Variants in SLC6A14 observed in about 807,000 individuals in gnomAD.
The protein encoded by SLC6A14 is sodium- and chloride-dependent neutral and basic amino acid transporter B(0+).
A neutral mutation model predicts 51.4 loss-of-function variants in SLC6A14; 21 were observed. The ratio of observed to expected loss-of-function variants is 0.41; its 90% CI spans 0.29 to 0.59. The LOEUF (loss-of-function observed/expected upper bound fraction) is 0.59, where lower values mean the gene tolerates loss of function less well. Among genes scored for constraint, SLC6A14 ranks in the 20% least tolerant of loss-of-function variants. The probability of loss-of-function intolerance (pLI) is 0.31; values close to 1 mark genes in which losing one functional copy is unlikely to be tolerated. For synonymous variants in SLC6A14, 177 were observed against 160.7 expected, an observed-to-expected ratio of 1.10 and a Z score of -0.77; for missense variants, 371 against 472.8, an observed-to-expected ratio of 0.78 and a Z score of 2.00.
chrX:116,451,241 G>T (rs1556694378), intron 7 of SLC6A14, among the ~76,000 whole-genome samples: 2 of 111,200 alleles, frequency 1.8e-5, no homozygotes, highest in Non-Finnish European at 3.8e-5. Context: ...TGCCACTGGT[G>T]GGTAGAAGGG....
rs781971603 is a variant in SLC6A14 at position 116,460,246 on chromosome X, G to A, written c.*1291G>A. ...TCCGTAGGTTTATCAGAATATCAAG[G>A]AAAACTGTGACCCAAAGAAGTTTAA... On this transcript the variant is annotated 3_prime_UTR_variant, in exon 14 of 14. Transcript: ENST00000598581. 1 of 111,616 alleles carries A rather than the reference G, an allele frequency of 9.0e-6. No individual in the cohort carries two copies. Among genetic ancestry groups the A allele is most frequent in the Admixed American group, 9.5e-5 (1 of 10,531 alleles). The allele number at this position is 111,616 out of a possible 1,213,427, so 9.2% of individuals were successfully genotyped here. A position where few individuals can be genotyped will look rare whatever the true frequency, so the allele number is the denominator to read the frequency against.
In SLC6A14 at chrX:116,455,498, G is replaced by A. The variant is rs368759699; in HGVS notation, c.1614+32G>A. On this transcript the variant is annotated intron_variant, in intron 12 of 13. Coordinates refer to ENST00000598581, the MANE Select transcript of SLC6A14 (RefSeq NM_007231.5). ...AATAATACACCATGAACTTGATTTC[G>A]ATAATACATATGTTCTAAGATAAAC... The A allele has an allele frequency of 1.0e-5, 9 of 879,998 alleles. No homozygotes were observed. In the African/African-American group the frequency reaches 1.8e-4, roughly 17 times the overall value. 72.5% of individuals were successfully genotyped at this position (879,998 alleles called of 1,213,427 possible). A position where few individuals can be genotyped will look rare whatever the true frequency, so the allele number is the denominator to read the frequency against.
intron 2 of SLC6A14, among the ~76,000 whole-genome samples, chrX:116,439,056 A>G (rs72605228): frequency 1.8e-5 from 2 of 110,935 alleles, no homozygotes; most frequent in East Asian, 5.7e-4. Context: ...TCTCTGTCCT[A>G]AGGTCCAGTG....
chrX:116,442,953 A>G, intron 4 of SLC6A14, 105 bp downstream of exon 4: 1 of 529,406 alleles, frequency 1.9e-6, no homozygotes, highest in Non-Finnish European at 3.0e-6. Context: ...AAATGTTCCA[A>G]AGGTCACTGG....
chrX:116,458,947 C>A lies in SLC6A14; in HGVS notation c.1921C>A (p.Pro641Thr). The A allele has an allele frequency of 1.7e-6, 2 of 1,194,217 alleles. No homozygotes were observed. The highest frequency in any genetic ancestry group is 2.3e-6 in the Non-Finnish European group (2 of 886,877). The change falls in exon 14 of 14, where the codon CCG (proline) becomes ACG (threonine). Residue 641 changes from proline (P) to threonine (T), a missense_variant. By Grantham distance (38) the Pro-to-Thr change is conservative. Coordinates refer to ENST00000598581, the MANE Select transcript of SLC6A14 (RefSeq NM_007231.5). ...ACCTACTGTTAGTGGCAGCAGAAAA[C>A]CGGAATGAGATCTCATTGAAAAAAA... is the stretch of plus-strand genomic sequence containing the variant. ...EIPTVSGSRK[P>T]E
At position 116,442,789 on chromosome X, in the gene SLC6A14, A is replaced by C. The variant is rs1452549772; in HGVS notation, c.449A>C (p.Glu150Ala). 1 of 1,192,569 alleles carries C rather than the reference A, an allele frequency of 8.4e-7. No individual in the cohort carries two copies. The highest frequency in any genetic ancestry group is 1.8e-5 in the African/African-American group (1 of 55,860). ...TACATGTTTGCTTCTTTTCAAAGTG[A>C]ACTACCATGGAAAAATTGTTCTTCG... is the stretch of plus-strand genomic sequence containing the variant. ...LYYMFASFQS[E>A]LPWKNCSSWS... Residue 150 changes from glutamate to alanine, a missense_variant, in exon 4 of 14, where the codon GAA becomes GCA. Coordinates refer to ENST00000598581, the MANE Select transcript of SLC6A14 (RefSeq NM_007231.5).
At chrX:116,445,505 A>AGAGAGAGAGAGAGAGAG (rs1556693962) in intron 6 of SLC6A14, among the ~76,000 whole-genome samples, 2 of 86,107 alleles carry the variant, frequency 2.3e-5, no homozygotes, top group African/African-American at 8.9e-5. Flanking sequence ...AGAGAGAGAG[A>AGAGAGAGAGAGAGAGAG]AATGTGTGTG....
Position 116,440,960 on chromosome X carries a change from T to C in SLC6A14, c.215-6T>C. Reference sequence around the variant, plus strand: ...TAGTGCTTTGGTTCTTTCTCACCTTTTTTAGGCGCCTTCTTGATACCTTAT... The same window carrying C: ...TAGTGCTTTGGTTCTTTCTCACCTTCTTTAGGCGCCTTCTTGATACCTTAT... On this transcript the variant is annotated splice_region_variant and splice_polypyrimidine_tract_variant and intron_variant, in intron 2 of 13. Transcript: ENST00000598581. The C allele has an allele frequency of 1.7e-6, 2 of 1,208,855 alleles. No individual in the cohort carries two copies. Among genetic ancestry groups the C allele is most frequent in the Non-Finnish European group, 2.2e-6 (2 of 894,190 alleles).
Position 116,459,262 on chromosome X carries a change from T to C in SLC6A14, c.*307T>C, listed in dbSNP as rs940100954. 1.3e-5 allele frequency: 2 copies of C among 157,570 alleles called. No individual in the cohort carries two copies. Among genetic ancestry groups the C allele is most frequent in the African/African-American group, 6.1e-5 (2 of 32,732 alleles). 13.0% of individuals were successfully genotyped at this position (157,570 alleles called of 1,213,427 possible). A position where few individuals can be genotyped will look rare whatever the true frequency, so the allele number is the denominator to read the frequency against. ...CATTTTTAATACATTGGAGGCTTTA[T>C]TTTGAACTAATTTCTTAGAGAATAG... On this transcript the variant is annotated 3_prime_UTR_variant, in exon 14 of 14. Coordinates refer to ENST00000598581, the MANE Select transcript of SLC6A14 (RefSeq NM_007231.5).
At chrX:116,441,262 T>C (rs5905285) in intron 3 of SLC6A14, among the ~76,000 whole-genome samples, 165 bp downstream of exon 3, 22,002 of 111,822 alleles carry the variant, frequency 0.2, 1,796 homozygotes, top group Admixed American at 0.26. Flanking sequence ...CTGTACAGTT[T>C]GCCACTGCAG....
At chrX:116,458,498 A>C (rs782662850) in intron 13 of SLC6A14, among the ~76,000 whole-genome samples, 2 of 111,560 alleles carry the variant, frequency 1.8e-5, no homozygotes, top group East Asian at 5.7e-4. Flanking sequence ...GATTCAGTGA[A>C]GGTACAGAGT....
chrX:116,457,778 T>A lies in SLC6A14; in HGVS notation c.1782+2T>A. ...CAGGCTAAAGGAAACATCTTTCAAG[T>A]GAGTGCATTAAAATTGTTTATACTT... On this transcript the variant is annotated splice_donor_variant, in intron 13 of 13. Transcript: ENST00000598581. LOFTEE classifies it high-confidence loss of function. 1 of 1,167,772 alleles carries A rather than the reference T, an allele frequency of 8.6e-7. No individual in the cohort carries two copies.
chrX:116,455,449 A>C lies in SLC6A14; in HGVS notation c.1597A>C (p.Thr533Pro). ...LWWRACWFVITPILLIAIFIW... is the reference protein window; with the variant it reads ...LWWRACWFVIPPILLIAIFIW... ...GTGGAGAGCTTGCTGGTTTGTAATTACGCCTATCCTTTTGATTGTAAGTAA... is the reference window on the plus strand; with the variant it reads ...GTGGAGAGCTTGCTGGTTTGTAATTCCGCCTATCCTTTTGATTGTAAGTAA... The change falls in exon 12 of 14, where the codon ACG becomes CCG. Residue 533 changes from threonine to proline, a missense_variant. Coordinates refer to ENST00000598581, the MANE Select transcript of SLC6A14 (RefSeq NM_007231.5). 8.5e-7 allele frequency: 1 copy of C among 1,179,167 alleles called. No individual in the cohort carries two copies. The highest frequency in any genetic ancestry group is 1.2e-6 in the Non-Finnish European group (1 of 866,391).
At chrX:116,441,240 A>G in intron 3 of SLC6A14, 143 bp downstream of exon 3, 1 of 625,481 alleles carries the variant, frequency 1.6e-6, no homozygotes, top group Admixed American at 3.1e-5. Context: ...AACATGCATT[A>G]TTGTTGTTTT....
intron 13 of SLC6A14, among the ~76,000 whole-genome samples, chrX:116,458,508 T>C (rs1166332265): frequency 9.0e-6 from 1 of 111,342 alleles, no homozygotes; most frequent in African/African-American, 3.3e-5. Context: ...AGGTACAGAG[T>C]AGTCACTCTG....
In SLC6A14 at chrX:116,442,796, A is replaced by G. The variant is rs143894279; in HGVS notation, c.456A>G (p.Pro152=). 5.8e-4 allele frequency: 689 copies of G among 1,192,385 alleles called. 4 individuals carry two copies. The African/African-American group carries it at 0.01, about 18-fold the overall frequency. Residue 152 remains proline (P), a synonymous_variant, in exon 4 of 14, where the codon CCA becomes CCG. Coordinates refer to ENST00000598581, the MANE Select transcript of SLC6A14 (RefSeq NM_007231.5). ...TTGCTTCTTTTCAAAGTGAACTACC[A>G]TGGAAAAATTGTTCTTCGTGGTCAG... is the stretch of plus-strand genomic sequence containing the variant. ...YMFASFQSEL[P]WKNCSSWSDK...
At chrX:116,439,239 A>G (rs1388641413) in intron 2 of SLC6A14, among the ~76,000 whole-genome samples, 1 of 111,651 alleles carries the variant, frequency 9.0e-6, no homozygotes, top group African/African-American at 3.2e-5. Context: ...AACAAAAATA[A>G]TAATATTAAT....
chrX:116,457,226 C>T (rs1556694836), intron 12 of SLC6A14, among the ~76,000 whole-genome samples: 1 of 111,363 alleles, frequency 9.0e-6, no homozygotes, highest in Non-Finnish European at 1.9e-5. Context: ...TAGATTTAAT[C>T]TATGGCATAG....
intron 2 of SLC6A14, 73 bp downstream of exon 2, chrX:116,438,028 T>G: frequency 1.2e-6 from 1 of 858,995 alleles, no homozygotes; most frequent in Non-Finnish European, 1.6e-6. Context: ...GTATGGCTTC[T>G]GAGAATATTT....
Sources: allele counts gnomAD v4.1 joint callset (sites outside exome capture counted in the v4.1 genomes callset), GRCh38; gene constraint gnomAD v4.1.1; transcripts MANE v1.5; gene names NCBI Gene and HGNC (gene_info 2026-07-23, HGNC 2026-07-21).